Variants in R3HDM2 observed in about 807,000 individuals in gnomAD.
R3HDM2 encodes R3H domain containing 2, also known as R3H domain-containing protein 2.
Under a neutral mutation model 124.5 loss-of-function variants are expected in R3HDM2, and 38 were observed. The observed-to-expected ratio is 0.31, with a 90% CI of 0.24 to 0.40. The LOEUF (loss-of-function observed/expected upper bound fraction) is 0.40. R3HDM2 is among the 10% of genes least tolerant of loss of function. R3HDM2 has a pLI of 1.00. For synonymous variants in R3HDM2, 391 were observed against 448.0 expected (o/e 0.87, Z 1.61); for missense variants, 869 against 1,236.9 (o/e 0.70, Z 4.46).
At chr12:57,315,267 A>G (rs2054774710) in intron 2 of R3HDM2, among the ~76,000 whole-genome samples, 1 of 151,922 alleles carries the variant, frequency 6.6e-6, no homozygotes, top group Non-Finnish European at 1.5e-5. Flanking sequence ...CCAACTCCTG[A>G]CCTCAGGTGA....
intron 1 of R3HDM2, among the ~76,000 whole-genome samples, chr12:57,402,294 CA>C (rs535082591): frequency 1.3e-3 from 175 of 130,618 alleles, no homozygotes; most frequent in East Asian, 0.01. Context: ...GACTCCATCT[CA>C]AAAAAAAAAA....
At chr12:57,295,979 C>A (rs936249779) in intron 9 of R3HDM2, among the ~76,000 whole-genome samples, 2 of 152,142 alleles carry the variant, frequency 1.3e-5, no homozygotes, top group Non-Finnish European at 2.9e-5. Context: ...AAGTGATTCT[C>A]CTGCCTCAGC....
chr12:57,299,040 C>G (rs569162887), intron 6 of R3HDM2, among the ~76,000 whole-genome samples: 1 of 152,302 alleles, frequency 6.6e-6, no homozygotes, highest in Admixed American at 6.5e-5. Context: ...TAAATGGCAT[C>G]TGGAGGATTT....
At chr12:57,289,292 A>G (rs1301253662) in intron 11 of R3HDM2, among the ~76,000 whole-genome samples, 1 of 152,232 alleles carries the variant, frequency 6.6e-6, no homozygotes, top group East Asian at 1.9e-4. Context: ...TGACAAAGGC[A>G]GGAGTGTGAA....
chr12:57,314,208 G>A (rs1473795350), intron 2 of R3HDM2, among the ~76,000 whole-genome samples: 13 of 141,942 alleles, frequency 9.2e-5, no homozygotes, highest in East Asian at 2.1e-4. Context: ...AATCAGGCAC[G>A]GTAGCTCACG....
At position 57,348,693 on chromosome 12, in the gene R3HDM2, C is replaced by CAAAAAAAAAAA. The variant is rs1168127324; in HGVS notation, c.-35-38241_-35-38231dup. 1.8e-3 allele frequency among the ~76,000 whole-genome samples: 44 copies of CAAAAAAAAAAA among 25,134 alleles called. 1 individual carries two copies. The highest frequency in any genetic ancestry group is 6.9e-3 in the African/African-American group (42 of 6,066). The allele number at this position is 25,134 out of a possible 152,430, so 16.5% of individuals were successfully genotyped here. A position where few individuals can be genotyped will look rare whatever the true frequency, so the allele number is the denominator to read the frequency against. ...TGGGCGACAGAGCGAGACTCCGTCT[C>CAAAAAAAAAAA]AAAAAAAAAAAAAAAAAAAAAAAAA... On this transcript the variant is annotated intron_variant, in intron 2 of 23. Transcript: ENST00000402412.
intron 3 of R3HDM2, among the ~76,000 whole-genome samples, chr12:57,305,021 T>A (rs1209029643): frequency 4.6e-5 from 7 of 151,988 alleles, no homozygotes; most frequent in African/African-American, 1.7e-4. Context: ...CTGTCTCTAC[T>A]AAAAAATACC....
chr12:57,262,394 T>C (rs954279704), intron 19 of R3HDM2, among the ~76,000 whole-genome samples: 3 of 152,176 alleles, frequency 2.0e-5, no homozygotes, highest in Non-Finnish European at 4.4e-5. Context: ...TGTGTGCATC[T>C]TCCCCAGACA....
intron 2 of R3HDM2, among the ~76,000 whole-genome samples, chr12:57,315,786 T>C (rs923019670): frequency 1.1e-4 from 16 of 152,214 alleles, no homozygotes; most frequent in African/African-American, 3.9e-4. Flanking sequence ...TTCTCACAGA[T>C]ACCCATAAAA....
intron 2 of R3HDM2, among the ~76,000 whole-genome samples, chr12:57,333,879 A>C (rs1371691159): frequency 6.6e-6 from 1 of 151,784 alleles, no homozygotes; most frequent in African/African-American, 2.4e-5. Context: ...CATCTCTACT[A>C]AAAATACAAA....
At chr12:57,282,252 A>G (rs2046329401) in intron 13 of R3HDM2, among the ~76,000 whole-genome samples, 1 of 151,118 alleles carries the variant, frequency 6.6e-6, no homozygotes, top group African/African-American at 2.4e-5. Context: ...CGGAGGTTGC[A>G]GTGAGCCGAG....
intron 2 of R3HDM2, among the ~76,000 whole-genome samples, chr12:57,353,608 T>A (rs543625192): frequency 6.6e-6 from 1 of 152,130 alleles, no homozygotes; most frequent in Non-Finnish European, 1.5e-5. Flanking sequence ...AGATATGGGG[T>A]CTTGTTATGT....
At chr12:57,366,126 C>CACTG (rs1407933634) in intron 2 of R3HDM2, among the ~76,000 whole-genome samples, 1 of 152,056 alleles carries the variant, frequency 6.6e-6, no homozygotes. Flanking sequence ...TTCCACTGCT[C>CACTG]ACTGACACTC....
At chr12:57,268,591 C>T (rs899372723) in intron 17 of R3HDM2, 134 bp from the exon 18 acceptor site, 1 of 944,940 alleles carries the variant, frequency 1.1e-6, no homozygotes, top group Non-Finnish European at 1.6e-6. Flanking sequence ...TTTTCCCCAT[C>T]TGCCTAAAGA....
chr12:57,367,312 T>G (rs574327288), intron 2 of R3HDM2, among the ~76,000 whole-genome samples: 1 of 152,294 alleles, frequency 6.6e-6, no homozygotes, highest in East Asian at 1.9e-4. Context: ...GAACTTTCTG[T>G]GATGATGAAA....
chr12:57,414,151 CTCTA>C (rs1275196395), intron 1 of R3HDM2, among the ~76,000 whole-genome samples: 1 of 151,118 alleles, frequency 6.6e-6, no homozygotes, highest in Non-Finnish European at 1.5e-5. Flanking sequence ...GCCCAGCCCA[CTCTA>C]TCTTTTTTTT....
Position 57,258,893 on chromosome 12 carries a change from G to A in R3HDM2, c.2298C>T (p.Pro766=). Residue 766 remains proline, a synonymous_variant, in exon 20 of 24, where the codon CCC becomes CCT. Coordinates refer to ENST00000402412, the MANE Select transcript of R3HDM2 (RefSeq NM_001394031.1). ...CAAGGCTGAGTGCTGCACTCACCTG[G>A]GGGCTGCTGTCAGGACTGTACAGGT... The part of the protein sequence containing the change: ...PGDLYSPDSS[P]QANTQMSSSP... 1 of 1,572,438 alleles carries A rather than the reference G, an allele frequency of 6.4e-7. No homozygotes were observed. The highest frequency in any genetic ancestry group is 1.2e-5 in the South Asian group (1 of 85,602).
In R3HDM2 at chr12:57,430,797, G is replaced by A. The variant is rs1175481386; in HGVS notation, c.-183C>T. On this transcript the variant is annotated 5_prime_UTR_variant, in exon 1 of 24. Transcript: ENST00000402412. ...CCCACGGCCGCTCGGCTGCGGCTCG[G>A]CCCCGACGGCCGGCGGCGGCGCGCT... is the stretch of plus-strand genomic sequence containing the variant. The A allele has an allele frequency of 6.6e-6, 1 of 151,692 alleles. No homozygotes were observed. The highest frequency in any genetic ancestry group is 1.4e-5 in the Non-Finnish European group (1 of 69,532). The allele number at this position is 151,692 out of a possible 1,614,324, so 9.4% of individuals were successfully genotyped here. A position where few individuals can be genotyped will look rare whatever the true frequency, so the allele number is the denominator to read the frequency against.
At chr12:57,329,187 T>C (rs1234183912) in intron 2 of R3HDM2, among the ~76,000 whole-genome samples, 1 of 152,176 alleles carries the variant, frequency 6.6e-6, no homozygotes, top group Non-Finnish European at 1.5e-5. Context: ...TATAAGGGTA[T>C]ACCACCCTTG....
Sources: gnomAD v4.1 joint callset for allele counts (sites outside exome capture counted in the v4.1 genomes callset) on GRCh38, gnomAD v4.1.1 for gene constraint, MANE v1.5 for transcripts, NCBI Gene and HGNC (gene_info 2026-07-23, HGNC 2026-07-21) for gene names.